PRKG1: variants seen among roughly 807,000 people sequenced by gnomAD.
PRKG1 encodes protein kinase cGMP-dependent 1.
PRKG1 carries 35 observed loss-of-function variants against 88.1 expected under a neutral mutation model. The ratio of observed to expected loss-of-function variants is 0.40; its 90% CI spans 0.30 to 0.53. The LOEUF is 0.53. PRKG1 is among the 20% of genes least tolerant of loss of function. PRKG1 has a pLI of 0.59. For missense variants in PRKG1, 540 were observed against 839.8 expected, an observed-to-expected ratio of 0.64 and a Z score of 4.41; for synonymous variants, 303 against 292.5, an observed-to-expected ratio of 1.04 and a Z score of -0.37.
intron 5 of PRKG1, among the ~76,000 whole-genome samples, chr10:52,051,771 A>G (rs1284397439): frequency 6.6e-6 from 1 of 152,220 alleles, no homozygotes; most frequent in Non-Finnish European, 1.5e-5. Context: ...CAGCAATGCC[A>G]GCCCTCTGTG....
intron 3 of PRKG1, among the ~76,000 whole-genome samples, chr10:51,800,861 A>G (rs1443935442): frequency 1.3e-5 from 2 of 151,962 alleles, no homozygotes; most frequent in Admixed American, 1.3e-4. Flanking sequence ...GATGTTATCT[A>G]AATCTGGTCT....
chr10:51,071,085 G>A (rs745875718), upstream of PRKG1, among the ~76,000 whole-genome samples: 1 of 152,146 alleles, frequency 6.6e-6, no homozygotes, highest in African/African-American at 2.4e-5. Context: ...CTTTGATCTT[G>A]TAATTTAGCC....
intron 2 of PRKG1, chr10:51,299,597 TG>T (rs1032735304): frequency 2.5e-5 from 12 of 471,836 alleles, no homozygotes; most frequent in Middle Eastern, 3.2e-4. Context: ...CTAAATCCCA[TG>T]GTGCCTTCTC....
chr10:51,046,661 A>C (rs1348877352), intron 1 of PRKG1, among the ~76,000 whole-genome samples: 1 of 152,186 alleles, frequency 6.6e-6, no homozygotes, highest in Non-Finnish European at 1.5e-5. Flanking sequence ...GGACTGTCAG[A>C]CCAGCGGAAA....
chr10:51,478,900 G>T (rs1203447826), intron 3 of PRKG1, among the ~76,000 whole-genome samples: 1 of 150,662 alleles, frequency 6.6e-6, no homozygotes, highest in African/African-American at 2.4e-5. Context: ...ATTTGAGTTG[G>T]AAGAGATCTT....
intron 2 of PRKG1, among the ~76,000 whole-genome samples, chr10:51,157,049 C>T (rs925039214): frequency 6.6e-6 from 1 of 151,900 alleles, no homozygotes; most frequent in Non-Finnish European, 1.5e-5. Flanking sequence ...ATGTGCCTTA[C>T]ATATTTTTTT....
chr10:51,507,217 G>T lies in PRKG1; in HGVS notation c.592+39381G>T, dbSNP rs149868228. Among the ~76,000 whole-genome samples the T allele has an allele frequency of 5.8e-3, 886 of 151,602 alleles. 14 individuals carry two copies. The highest frequency in any genetic ancestry group is 0.021 in the African/African-American group (852 of 41,274). On this transcript the variant is annotated intron_variant, in intron 3 of 17. Transcript: ENST00000373980. ...CCTAATGTTAAATGACAAGTTAATG[G>T]GTGTGGCACAGCAACATGGCACATG...
intron 1 of PRKG1, among the ~76,000 whole-genome samples, chr10:51,066,447 T>C (rs1226620974): frequency 6.6e-6 from 1 of 152,136 alleles, no homozygotes; most frequent in Non-Finnish European, 1.5e-5. Context: ...TTGACAGTAC[T>C]GTTTGTGGGA....
intron 3 of PRKG1, among the ~76,000 whole-genome samples, chr10:51,700,110 T>C (rs1257197433): frequency 6.6e-6 from 1 of 152,270 alleles, no homozygotes; most frequent in African/African-American, 2.4e-5. Context: ...ATTTGAGATT[T>C]GCCCCTTAAA....
intron 5 of PRKG1, among the ~76,000 whole-genome samples, chr10:51,930,220 G>A (rs1842660221): frequency 6.6e-6 from 1 of 152,182 alleles, no homozygotes. Context: ...AATGGTGTTT[G>A]AGATGGAGTG....
At chr10:51,721,097 C>T (rs138685662) in intron 3 of PRKG1, among the ~76,000 whole-genome samples, 67 of 151,570 alleles carry the variant, frequency 4.4e-4, no homozygotes, top group African/African-American at 1.5e-3. Flanking sequence ...CCTGTAGTCC[C>T]GGCTAACTAC....
intron 3 of PRKG1, among the ~76,000 whole-genome samples, chr10:51,590,287 A>G (rs61851464): frequency 0.055 from 8,428 of 152,276 alleles, 356 homozygotes; most frequent in Middle Eastern, 0.088. Context: ...TGCACAAGTG[A>G]AGAAACTGAG....
chr10:51,005,268 T>TA (rs34977613), intron 1 of PRKG1, among the ~76,000 whole-genome samples: 13 of 151,254 alleles, frequency 8.6e-5, no homozygotes, highest in South Asian at 8.4e-4. Flanking sequence ...TTGTGATAAT[T>TA]AAAAAAAAAT....
At chr10:52,211,321 A>T (rs1839965007) in intron 9 of PRKG1, among the ~76,000 whole-genome samples, 1 of 152,168 alleles carries the variant, frequency 6.6e-6, no homozygotes, top group African/African-American at 2.4e-5. Context: ...TATATCCAGA[A>T]AATATGTAGA....
chr10:51,860,873 A>C (rs1179387259), intron 4 of PRKG1, among the ~76,000 whole-genome samples: 2 of 152,174 alleles, frequency 1.3e-5, no homozygotes, highest in Non-Finnish European at 2.9e-5. Flanking sequence ...GGGTCTAAGT[A>C]ATGGTTCAGC....
At chr10:51,208,151 T>A (rs1256760294) in intron 2 of PRKG1, among the ~76,000 whole-genome samples, 3 of 152,198 alleles carry the variant, frequency 2.0e-5, no homozygotes, top group Admixed American at 6.5e-5. Context: ...ACTAAAGAAG[T>A]AGAAGGTACA....
intron 2 of PRKG1, among the ~76,000 whole-genome samples, chr10:51,428,916 C>A (rs776542689): frequency 6.6e-6 from 1 of 152,090 alleles, no homozygotes; most frequent in South Asian, 2.1e-4. Flanking sequence ...AATAAGACAG[C>A]CATTGTGTGC....
At chr10:52,161,533 C>T (rs1431534968) in intron 8 of PRKG1, among the ~76,000 whole-genome samples, 2 of 152,060 alleles carry the variant, frequency 1.3e-5, no homozygotes, top group Admixed American at 1.3e-4. Context: ...GTAGATCTTG[C>T]TGTCATTTCA....
At chr10:51,411,432 G>A (rs191381645) in intron 2 of PRKG1, among the ~76,000 whole-genome samples, 45 of 152,292 alleles carry the variant, frequency 3.0e-4, no homozygotes, top group Non-Finnish European at 5.4e-4. Flanking sequence ...TAAAAGAAAA[G>A]TTACATAATG....
Sources: gnomAD v4.1 joint callset for allele counts (sites outside exome capture counted in the v4.1 genomes callset) on GRCh38, gnomAD v4.1.1 for gene constraint, MANE v1.5 for transcripts, NCBI Gene and HGNC (gene_info 2026-07-23, HGNC 2026-07-21) for gene names.